The following MKNK1 variants were observed in gnomAD, a reference collection of about 807,000 sequenced individuals.
MKNK1 encodes MAPK interacting serine/threonine kinase 1.
MKNK1 carries 30 observed loss-of-function variants against 49.3 expected under a neutral mutation model. The ratio of observed to expected loss-of-function variants is 0.61; its 90% CI spans 0.46 to 0.83. MKNK1 has a LOEUF of 0.83. Among genes scored for constraint, MKNK1 ranks in the 40% least tolerant of loss-of-function variants. The pLI, the probability that MKNK1 is intolerant of heterozygous loss-of-function variation, is 0.00. For synonymous variants in MKNK1, 176 were observed against 201.7 expected (o/e 0.87, Z 1.08); for missense variants, 423 against 524.7 (o/e 0.81, Z 1.89).
rs908475438 is a variant in MKNK1, at chr1:46,562,934, G to A, written c.610-91C>T. On this transcript the variant is annotated intron_variant, in intron 9 of 12. Coordinates refer to ENST00000371945, the MANE Select transcript of MKNK1 (RefSeq NM_001135553.4). ...GGGATGGCAGAGAGCAGACTGTGAT[G>A]GGACTGGAGCAGGAGGCTGGAAGGA... is the stretch of plus-strand genomic sequence containing the variant. The A allele has an allele frequency of 3.3e-5, 37 of 1,110,598 alleles. No individual in the cohort carries two copies. In the Admixed American group the frequency reaches 5.0e-4, roughly 15 times the overall value. 68.8% of individuals were successfully genotyped at this position (1,110,598 alleles called of 1,614,324 possible). A position where few individuals can be genotyped will look rare whatever the true frequency, so the allele number is the denominator to read the frequency against.
At chr1:46,558,891 T>C (rs1244093630) in intron 12 of MKNK1, 91 bp from the exon 13 acceptor site, 2 of 1,083,222 alleles carry the variant, frequency 1.8e-6, no homozygotes, top group African/African-American at 3.1e-5. Flanking sequence ...CTGCTGTGGC[T>C]CTACGCTCCC....
intron 4 of MKNK1, among the ~76,000 whole-genome samples, chr1:46,577,484 A>C (rs944100903): frequency 6.7e-6 from 1 of 149,332 alleles, no homozygotes; most frequent in African/African-American, 2.6e-5. Context: ...ATCTCAAAAA[A>C]TAAATAAATA....
At chr1:46,562,977 A>G (rs1288772484) in intron 9 of MKNK1, 134 bp from the exon 10 acceptor site, 2 of 745,416 alleles carry the variant, frequency 2.7e-6, no homozygotes, top group Non-Finnish European at 4.2e-6. Flanking sequence ...CAGATCAGGA[A>G]GGCCAGCCAG....
At chr1:46,600,598 T>C (rs1481076218) in intron 1 of MKNK1, among the ~76,000 whole-genome samples, 1 of 152,230 alleles carries the variant, frequency 6.6e-6, no homozygotes, top group Non-Finnish European at 1.5e-5. Flanking sequence ...TAAGGAGACA[T>C]TGCTGGGACA....
intron 11 of MKNK1, 60 bp downstream of exon 11, chr1:46,561,418 C>T: frequency 1.3e-6 from 2 of 1,519,840 alleles, no homozygotes; most frequent in Non-Finnish European, 1.8e-6. Context: ...ATGACAGCTT[C>T]CTTGTGGCCA....
intron 1 of MKNK1, chr1:46,594,735 CT>C: frequency 3.4e-6 from 1 of 295,728 alleles, no homozygotes; most frequent in Non-Finnish European, 6.8e-6. Flanking sequence ...TGGCTCATGC[CT>C]GTAATCTCAG....
At chr1:46,598,819 G>C (rs1674385575) in intron 1 of MKNK1, among the ~76,000 whole-genome samples, 2 of 152,146 alleles carry the variant, frequency 1.3e-5, no homozygotes, top group African/African-American at 4.8e-5. Context: ...TGAGAGGCTG[G>C]AATATAAACT....
At position 46,562,655 on chromosome 1, in the gene MKNK1, C is replaced by T. The variant is rs1321554521; in HGVS notation, c.798G>A (p.Val266=). 3.2e-6 allele frequency: 5 copies of T among 1,552,636 alleles called. No homozygotes were observed. The East Asian group carries it at 9.7e-5, about 30-fold the overall frequency. The change falls in exon 10 of 13, where the codon GTG becomes GTA. Residue 266 remains valine, a synonymous_variant. Coordinates refer to ENST00000371945, the MANE Select transcript of MKNK1 (RefSeq NM_001135553.4). ...CGWDRGEVCR[V]CQNKLFESIQ... is the part of the protein sequence containing the mutation. ...TCCCTGGGGCCGCACTCACCTGGCACACCCTGCAGACCTCGCCCCGGTCCC... is the reference window on the plus strand; with the variant it reads ...TCCCTGGGGCCGCACTCACCTGGCATACCCTGCAGACCTCGCCCCGGTCCC...
In MKNK1 at chr1:46,572,282, C is replaced by A. The variant is rs1431152575; in HGVS notation, c.353-115G>T. On this transcript the variant is annotated intron_variant, in intron 6 of 12. Coordinates refer to ENST00000371945, the MANE Select transcript of MKNK1 (RefSeq NM_001135553.4). ...AGGCTGGAGAGTAGTGGCACGATCT[C>A]GGCTCACTGCAACCTCCGCCTCCGG... 17 of 767,144 alleles carry A rather than the reference C, an allele frequency of 2.2e-5. No homozygotes were observed. The East Asian group carries it at 5.1e-4, about 23-fold the overall frequency. The allele number at this position is 767,144 out of a possible 1,614,324, so 47.5% of individuals were successfully genotyped here.
intron 4 of MKNK1, among the ~76,000 whole-genome samples, chr1:46,578,837 C>A (rs11211307): frequency 1.3e-5 from 2 of 151,574 alleles, no homozygotes; most frequent in Non-Finnish European, 2.9e-5. Flanking sequence ...CACTGTGCAA[C>A]CTCTACCTCC....
chr1:46,571,376 T>A (rs1670100410), intron 7 of MKNK1: 1 of 272,976 alleles, frequency 3.7e-6, no homozygotes, highest in Non-Finnish European at 7.3e-6. Context: ...AGACCCCATC[T>A]CTACAAAAAA....
intron 4 of MKNK1, among the ~76,000 whole-genome samples, chr1:46,579,576 G>A (rs1285132683): frequency 3.3e-5 from 5 of 152,214 alleles, no homozygotes; most frequent in African/African-American, 1.2e-4. Context: ...GAGTCACCAG[G>A]AGAGTTTGTT....
intron 3 of MKNK1, among the ~76,000 whole-genome samples, chr1:46,581,656 C>A (rs1446428412): frequency 6.6e-6 from 1 of 151,458 alleles, no homozygotes; most frequent in African/African-American, 2.4e-5. Flanking sequence ...ACTGGCTATA[C>A]AAAGGAGAAT....
intron 2 of MKNK1, among the ~76,000 whole-genome samples, chr1:46,585,017 G>C (rs557084767): frequency 2.0e-5 from 3 of 151,976 alleles, no homozygotes; most frequent in African/African-American, 4.8e-5. Context: ...TTGGGATGCC[G>C]AGGTAGGCAG....
intron 2 of MKNK1, among the ~76,000 whole-genome samples, chr1:46,593,034 AACCACTCTC>A: frequency 6.6e-6 from 1 of 151,978 alleles, no homozygotes; most frequent in East Asian, 1.9e-4. Flanking sequence ...ATCAGGCTAA[AACCACTCTC>A]ACTCAGCCCT....
intron 1 of MKNK1, among the ~76,000 whole-genome samples, chr1:46,600,277 T>C (rs1206424681): frequency 1.3e-5 from 2 of 152,226 alleles, no homozygotes; most frequent in East Asian, 1.9e-4. Flanking sequence ...CAATTATTTA[T>C]AGGAGGGCAG....
intron 1 of MKNK1, among the ~76,000 whole-genome samples, chr1:46,600,970 G>A (rs559429473): frequency 4.1e-4 from 62 of 151,918 alleles, no homozygotes; most frequent in African/African-American, 1.3e-3. Context: ...AGGCTGGAGT[G>A]CAATGGCACA....
rs1669451357 is a variant in MKNK1, at chr1:46,568,292, C to T, written c.513+151G>A. 4.4e-6 allele frequency: 3 copies of T among 687,044 alleles called. No individual in the cohort carries two copies. In the South Asian group the frequency reaches 5.6e-5, roughly 13 times the overall value. The allele number at this position is 687,044 out of a possible 1,614,324, so 42.6% of individuals were successfully genotyped here. Reference sequence around the variant, plus strand: ...AAAGGACGAGGATGGGCAGAAACATCACACAGTAAGTGTAACATTCTCACA... The same window carrying T: ...AAAGGACGAGGATGGGCAGAAACATTACACAGTAAGTGTAACATTCTCACA... On this transcript the variant is annotated intron_variant, in intron 8 of 12. Transcript: ENST00000371945.
chr1:46,569,446 C>T (rs1041442454), intron 7 of MKNK1: 6 of 152,240 alleles, frequency 3.9e-5, no homozygotes, highest in African/African-American at 1.4e-4. Context: ...TCTTTCCTTC[C>T]ACAGCACATG....
Sources: allele counts gnomAD v4.1 joint callset (sites outside exome capture counted in the v4.1 genomes callset), GRCh38; gene constraint gnomAD v4.1.1; transcripts MANE v1.5; gene names NCBI Gene and HGNC (gene_info 2026-07-23, HGNC 2026-07-21).